MMUT: variants seen among roughly 807,000 people sequenced by gnomAD.
MMUT encodes methylmalonyl-CoA mutase, also known as methylmalonyl-CoA mutase, mitochondrial.
In MMUT, 79 loss-of-function variants were observed where a neutral mutation model predicts 79.9. The observed-to-expected ratio is 0.99, with a 90% CI of 0.82 to 1.19. The LOEUF is 1.19. Ranked by LOEUF, MMUT falls within the 50% of genes most tolerant of loss-of-function variation. The pLI is 0.00. For synonymous variants in MMUT, 273 were observed against 295.7 expected (o/e 0.92, Z 0.79); for missense variants, 860 against 917.2 (o/e 0.94, Z 0.81).
intron 11 of MMUT, among the ~76,000 whole-genome samples, chr6:49,435,855 T>C (rs1269193527): frequency 6.6e-6 from 1 of 152,166 alleles, no homozygotes; most frequent in Non-Finnish European, 1.5e-5. Flanking sequence ...ACAGATAACC[T>C]ACAGAATGGG....
intron 9 of MMUT, among the ~76,000 whole-genome samples, chr6:49,443,284 C>T (rs1274153592): frequency 6.6e-6 from 1 of 152,144 alleles, no homozygotes; most frequent in Non-Finnish European, 1.5e-5. Context: ...ATAATAATGT[C>T]TTCCTCTAGA....
chr6:49,431,696 T>A lies in MMUT; in HGVS notation c.*32A>T, dbSNP rs1334260336. ...TTCTTTGATCATAACTAAAATAATA[T>A]TTTAGACAAAAGCTAAAACAAAAAG... On this transcript the variant is annotated 3_prime_UTR_variant, in exon 13 of 13. Coordinates refer to ENST00000274813, the MANE Select transcript of MMUT (RefSeq NM_000255.4). 3.1e-6 allele frequency: 5 copies of A among 1,599,680 alleles called. No homozygotes were observed. Among genetic ancestry groups the A allele is most frequent in the Non-Finnish European group, 4.3e-6 (5 of 1,167,906 alleles).
intron 4 of MMUT, among the ~76,000 whole-genome samples, chr6:49,454,132 G>A (rs551499584): frequency 7.2e-5 from 11 of 152,268 alleles, no homozygotes; most frequent in African/African-American, 2.2e-4. Flanking sequence ...AATTTGCTTT[G>A]TTTAGCCAGA....
Position 49,459,503 on chromosome 6 carries a change from G to A in MMUT, c.-37C>T, listed in dbSNP as rs483352794. ...GAAACACCCAATAGAAATAAGAACTGACCTAGAAAAAGAAACATAGAGTAA... is the reference window on the plus strand; with the variant it reads ...GAAACACCCAATAGAAATAAGAACTAACCTAGAAAAAGAAACATAGAGTAA... On this transcript the variant is annotated splice_region_variant and 5_prime_UTR_variant, in exon 2 of 13. Transcript: ENST00000274813. 6.3e-7 allele frequency: 1 copy of A among 1,599,396 alleles called. No individual in the cohort carries two copies. The highest frequency in any genetic ancestry group is 1.7e-5 in the Admixed American group (1 of 59,320).
intron 10 of MMUT, among the ~76,000 whole-genome samples, chr6:49,440,918 C>G (rs1017156889): frequency 3.9e-5 from 6 of 152,178 alleles, no homozygotes; most frequent in African/African-American, 1.4e-4. Context: ...TTGTCCATAT[C>G]TCATCTACCC....
chr6:49,435,515 G>A lies in MMUT; in HGVS notation c.2065C>T (p.Leu689Phe). The change falls in exon 12 of 13, where the codon CTT becomes TTT. Residue 689 changes from leucine to phenylalanine, a missense_variant. Transcript: ENST00000274813. Reference protein sequence around the residue: ...KTLVPELIKELNSLGRPDILV... With the variant: ...KTLVPELIKEFNSLGRPDILV... ...ATATCTGGCCGTCCAAGGGAGTTAA[G>A]TTCTTTGATGAGTTCAGGAACTAGG... is the stretch of plus-strand genomic sequence containing the variant. 3 of 1,614,152 alleles carry A rather than the reference G, an allele frequency of 1.9e-6. No individual in the cohort carries two copies. Among genetic ancestry groups the A allele is most frequent in the Non-Finnish European group, 2.5e-6 (3 of 1,180,020 alleles).
chr6:49,459,546 G>A, intron 1 of MMUT, 41 bp from the exon 2 acceptor site: 1 of 1,480,352 alleles, frequency 6.8e-7, no homozygotes, highest in Non-Finnish European at 9.2e-7. Context: ...TAGAAGAGGG[G>A]GTGGGAAATA....
At chr6:49,460,323 G>A (rs896779355) in intron 1 of MMUT, among the ~76,000 whole-genome samples, 2 of 152,148 alleles carry the variant, frequency 1.3e-5, no homozygotes, top group Non-Finnish European at 2.9e-5. Context: ...AGAAGAGCCA[G>A]CATTGATTGG....
At chr6:49,439,530 C>T (rs1025189032) in intron 11 of MMUT, among the ~76,000 whole-genome samples, 2 of 152,058 alleles carry the variant, frequency 1.3e-5, no homozygotes, top group Admixed American at 6.6e-5. Flanking sequence ...TATTCTGGAC[C>T]CCACTCAAAA....
chr6:49,448,083 G>A (rs1335532237), intron 7 of MMUT, among the ~76,000 whole-genome samples: 1 of 151,882 alleles, frequency 6.6e-6, no homozygotes. Context: ...CAGAGCAGCT[G>A]CCATCTAAGA....
intron 12 of MMUT, among the ~76,000 whole-genome samples, chr6:49,434,289 A>G (rs1334673563): frequency 1.3e-5 from 2 of 152,216 alleles, no homozygotes; most frequent in African/African-American, 4.8e-5. Context: ...TGATTATATC[A>G]CATTAAATAA....
chr6:49,442,870 T>C (rs968522145), intron 9 of MMUT, among the ~76,000 whole-genome samples: 1 of 152,120 alleles, frequency 6.6e-6, no homozygotes, highest in Non-Finnish European at 1.5e-5. Flanking sequence ...CTAGCACATC[T>C]TGCAGACTAT....
rs192489982 is a variant in MMUT, at chr6:49,446,706, T to C, written c.1560+964A>G. ...CAATAAATGTTAACTATTATTGCTA[T>C]ATTGTCATTAATGAATTTCTCTCTG... On this transcript the variant is annotated intron_variant, in intron 8 of 12. Transcript: ENST00000274813. 2.7e-3 allele frequency among the ~76,000 whole-genome samples: 406 copies of C among 152,018 alleles called. 3 individuals are homozygous for C. The highest frequency in any genetic ancestry group is 9.4e-3 in the African/African-American group (392 of 41,554).
chr6:49,449,042 T>C (rs1767484635), intron 6 of MMUT, 115 bp from the exon 7 acceptor site: 2 of 555,098 alleles, frequency 3.6e-6, no homozygotes, highest in Middle Eastern at 9.5e-4. Flanking sequence ...ATAAACTAAA[T>C]GTTAATGTTT....
At chr6:49,461,867 C>T (rs1378871150) in intron 1 of MMUT, among the ~76,000 whole-genome samples, 1 of 152,010 alleles carries the variant, frequency 6.6e-6, no homozygotes, top group African/African-American at 2.4e-5. Flanking sequence ...GCAAGCCATC[C>T]ACTACATTTA....
intron 6 of MMUT, among the ~76,000 whole-genome samples, chr6:49,449,828 T>TCG (rs1767503685): frequency 6.6e-6 from 1 of 151,796 alleles, no homozygotes; most frequent in Non-Finnish European, 1.5e-5. Context: ...AAAACAAAAA[T>TCG]GAGCTCTACG....
Position 49,431,554 on chromosome 6 carries a change from G to C in MMUT, c.*174C>G. ...TTTTTTTTATTTTTGAAGTGAAACT[G>C]TATGTACATACTTATAGCATGACAC... is the stretch of plus-strand genomic sequence containing the variant. On this transcript the variant is annotated 3_prime_UTR_variant, in exon 13 of 13. Coordinates refer to ENST00000274813, the MANE Select transcript of MMUT (RefSeq NM_000255.4). 1.7e-6 allele frequency: 1 copy of C among 588,754 alleles called. No individual in the cohort carries two copies. The highest frequency in any genetic ancestry group is 2.1e-5 in the South Asian group (1 of 47,864). 36.5% of individuals were successfully genotyped at this position (588,754 alleles called of 1,614,324 possible). A position where few individuals can be genotyped will look rare whatever the true frequency, so the allele number is the denominator to read the frequency against.
chr6:49,440,403 G>A (rs1767244660), intron 10 of MMUT, 50 bp from the exon 11 acceptor site: 2 of 1,575,142 alleles, frequency 1.3e-6, no homozygotes, highest in East Asian at 4.5e-5. Context: ...ATTTTCCAAA[G>A]GGAAGATATA....
intron 1 of MMUT, among the ~76,000 whole-genome samples, chr6:49,462,194 A>G (rs368389538): frequency 7.8e-4 from 119 of 152,350 alleles, no homozygotes; most frequent in African/African-American, 2.7e-3. Flanking sequence ...CAAGCATTCA[A>G]AGAAGCAACA....
Sources: gnomAD v4.1 joint callset for allele counts (sites outside exome capture counted in the v4.1 genomes callset) on GRCh38, gnomAD v4.1.1 for gene constraint, MANE v1.5 for transcripts, NCBI Gene and HGNC (gene_info 2026-07-23, HGNC 2026-07-21) for gene names.